GDI2: variants seen among roughly 807,000 people sequenced by gnomAD.
GDI2 encodes the protein GDP dissociation inhibitor 2, also known as rab GDP dissociation inhibitor beta.
GDI2 carries 22 observed loss-of-function variants against 54.2 expected under a neutral mutation model. That is an observed-to-expected ratio of 0.41 (90% CI 0.29 to 0.58). GDI2 has a LOEUF of 0.58. GDI2 is among the 20% of genes least tolerant of loss of function. The probability of loss-of-function intolerance (pLI) is 0.35; values close to 1 mark genes in which losing one functional copy is unlikely to be tolerated. For synonymous variants in GDI2, 177 were observed against 182.1 expected, an observed-to-expected ratio of 0.97 and a Z score of 0.23; for missense variants, 422 against 546.0, an observed-to-expected ratio of 0.77 and a Z score of 2.26.
intron 1 of GDI2, among the ~76,000 whole-genome samples, chr10:5,803,377 T>A (rs1381302270): frequency 1.3e-5 from 2 of 152,150 alleles, no homozygotes; most frequent in Non-Finnish European, 2.9e-5. Context: ...TGAGCCGTGA[T>A]AAGGCCACTG....
chr10:5,807,652 T>TA (rs1841403060), intron 1 of GDI2, among the ~76,000 whole-genome samples: 1 of 152,204 alleles, frequency 6.6e-6, no homozygotes, highest in South Asian at 2.1e-4. Context: ...TAAAAACAGG[T>TA]AACCAACCAA....
At chr10:5,767,672 T>C (rs1159560884) in intron 8 of GDI2, among the ~76,000 whole-genome samples, 1 of 152,150 alleles carries the variant, frequency 6.6e-6, no homozygotes, top group Non-Finnish European at 1.5e-5. Flanking sequence ...CTTTTTAAGC[T>C]GAATTTTAGA....
At chr10:5,789,851 G>A (rs1401626443) in intron 4 of GDI2, among the ~76,000 whole-genome samples, 4 of 152,200 alleles carry the variant, frequency 2.6e-5, no homozygotes, top group Non-Finnish European at 2.9e-5. Context: ...AGTACATACT[G>A]TACTACTGTA....
intron 1 of GDI2, among the ~76,000 whole-genome samples, chr10:5,804,771 G>A (rs952655200): frequency 2.6e-5 from 4 of 151,688 alleles, no homozygotes. Context: ...CCACAGCAGA[G>A]TTGGGCAGCT....
At chr10:5,788,425 G>A (rs1222330328) in intron 4 of GDI2, among the ~76,000 whole-genome samples, 1 of 152,130 alleles carries the variant, frequency 6.6e-6, no homozygotes, top group Non-Finnish European at 1.5e-5. Flanking sequence ...GGATCACCAT[G>A]GGATATGCCT....
intron 4 of GDI2, among the ~76,000 whole-genome samples, chr10:5,790,706 T>A (rs1388317816): frequency 1.3e-5 from 2 of 152,146 alleles, no homozygotes; most frequent in African/African-American, 4.8e-5. Flanking sequence ...GCTATTTATG[T>A]TATCCGTATG....
At chr10:5,775,396 C>T (rs930805177) in intron 6 of GDI2, among the ~76,000 whole-genome samples, 1 of 152,178 alleles carries the variant, frequency 6.6e-6, no homozygotes, top group Non-Finnish European at 1.5e-5. Flanking sequence ...TGGGTGAGAG[C>T]TTTATGTAGT....
rs562599381 is a variant in GDI2, at chr10:5,780,107, G to A, written c.719+5035C>T. Among the ~76,000 whole-genome samples, 3 of 151,882 alleles carry A rather than the reference G, an allele frequency of 2.0e-5. No individual in the cohort carries two copies. The South Asian group carries it at 6.2e-4, about 32-fold the overall frequency. ...GCCTGTAGTCCCTACTACTCAAGAG[G>A]CTGAGATGGGAAGATCCCTTTAGCC... On this transcript the variant is annotated intron_variant, in intron 6 of 10. Coordinates refer to ENST00000380191, the MANE Select transcript of GDI2 (RefSeq NM_001494.4).
At chr10:5,782,089 CA>C in intron 6 of GDI2, among the ~76,000 whole-genome samples, 1 of 152,126 alleles carries the variant, frequency 6.6e-6, no homozygotes, top group South Asian at 2.1e-4. Context: ...ACATATATGA[CA>C]AAAGACTTGC....
intron 1 of GDI2, 54 bp downstream of exon 1, chr10:5,813,160 G>A (rs1198858094): frequency 1.3e-5 from 15 of 1,167,710 alleles, no homozygotes; most frequent in Admixed American, 2.2e-5. Context: ...TGCAGGAGCC[G>A]GGGGTGCGCC....
intron 6 of GDI2, among the ~76,000 whole-genome samples, chr10:5,782,870 T>C (rs1035312612): frequency 2.0e-5 from 3 of 151,778 alleles, no homozygotes; most frequent in Admixed American, 1.3e-4. Flanking sequence ...GGGGTGGAGG[T>C]TGCAGTGAGC....
At chr10:5,799,806 T>C (rs531767761) in intron 2 of GDI2, among the ~76,000 whole-genome samples, 5 of 152,256 alleles carry the variant, frequency 3.3e-5, no homozygotes, top group Non-Finnish European at 5.9e-5. Flanking sequence ...AGCAGATGAA[T>C]GCTGAAATAT....
rs753206763 is a variant in GDI2 at position 5,813,280 on chromosome 10, G to C, written c.-22C>G. On this transcript the variant is annotated 5_prime_UTR_variant, in exon 1 of 11. Transcript: ENST00000380191. The stretch of plus-strand genomic sequence containing the variant: ...TCATGGCGGGGCAGGCGCGGACGCA[G>C]GACCCGAGCAAGGAAAAGGCGCAGG... The C allele has an allele frequency of 6.4e-7, 1 of 1,566,160 alleles. No homozygotes were observed. The highest frequency in any genetic ancestry group is 8.6e-7 in the Non-Finnish European group (1 of 1,157,592).
At chr10:5,808,534 G>T (rs1211017003) in intron 1 of GDI2, among the ~76,000 whole-genome samples, 1 of 151,680 alleles carries the variant, frequency 6.6e-6, no homozygotes. Flanking sequence ...AAATTAGCCG[G>T]GCGTGGTGGT....
At chr10:5,812,494 C>T (rs1231558305) in intron 1 of GDI2, among the ~76,000 whole-genome samples, 1 of 152,128 alleles carries the variant, frequency 6.6e-6, no homozygotes, top group East Asian at 1.9e-4. Flanking sequence ...ACCCACCAAA[C>T]AAAAGGAAAA....
intron 7 of GDI2, among the ~76,000 whole-genome samples, chr10:5,772,877 C>T (rs1840523275): frequency 6.6e-6 from 1 of 152,162 alleles, no homozygotes. Context: ...GGGTGCGGAA[C>T]ACCTTAATTC....
chr10:5,799,945 T>C (rs146795707), intron 2 of GDI2, among the ~76,000 whole-genome samples: 28 of 152,344 alleles, frequency 1.8e-4, no homozygotes, highest in African/African-American at 6.5e-4. Context: ...ATACATCGTA[T>C]TATTCTTTAA....
intron 4 of GDI2, among the ~76,000 whole-genome samples, chr10:5,790,354 T>C (rs1264264815): frequency 6.6e-6 from 1 of 152,094 alleles, no homozygotes; most frequent in East Asian, 1.9e-4. Context: ...TATAATACAT[T>C]ATCACAAGGC....
intron 2 of GDI2, among the ~76,000 whole-genome samples, chr10:5,799,866 T>C (rs1020592073): frequency 3.3e-5 from 5 of 152,030 alleles, no homozygotes; most frequent in African/African-American, 1.2e-4. Flanking sequence ...TCAAAACCAG[T>C]AACAAAAAAA....
Sources: allele counts gnomAD v4.1 joint callset (sites outside exome capture counted in the v4.1 genomes callset), GRCh38; gene constraint gnomAD v4.1.1; transcripts MANE v1.5; gene names NCBI Gene and HGNC (gene_info 2026-07-23, HGNC 2026-07-21).